ZFY: variants seen among roughly 807,000 people sequenced by gnomAD.
ZFY encodes zinc finger protein Y-linked.
For missense variants in ZFY, 113 were observed against 170.9 expected (o/e 0.66, Z 1.89); for synonymous variants, 47 against 55.8 (o/e 0.84, Z 0.71).
intron 3 of ZFY, among the ~76,000 whole-genome samples, chrY:2,969,451 A>G: frequency 1.2e-4 from 4 of 33,388 alleles, no homozygotes. Context: ...GTGGAAAGGA[A>G]CACTGCTTGT....
At chrY:2,938,256 G>T in intron 1 of ZFY, among the ~76,000 whole-genome samples, 1 of 16,866 alleles carries the variant, frequency 5.9e-5, no homozygotes, top group African/African-American at 2.5e-4. Flanking sequence ...TGATGTACCC[G>T]CCTCGGCCTA....
chrY:2,936,122 C>T (rs931086443), intron 1 of ZFY, among the ~76,000 whole-genome samples: 4 of 34,038 alleles, frequency 1.2e-4, no homozygotes, highest in African/African-American at 4.6e-4. Flanking sequence ...TCGGCCTTCC[C>T]CTCACAGCCC....
At chrY:2,938,983 T>TTATATA (rs765202788) in intron 1 of ZFY, among the ~76,000 whole-genome samples, 7 of 5,222 alleles carry the variant, frequency 1.3e-3, no homozygotes, top group East Asian at 8.1e-3. Flanking sequence ...CATACAGTGC[T>TTATATA]TATATATATA....
At position 2,979,433 on chromosome Y, in the gene ZFY, G is replaced by A; in HGVS notation, c.1846G>A (p.Val616Met). Residue 616 changes from valine (V) to methionine (M), a missense_variant, in exon 8 of 8, where the codon GTG becomes ATG. By Grantham distance (21) the Val-to-Met change is conservative. Coordinates refer to ENST00000155093, the MANE Select transcript of ZFY (RefSeq NM_003411.4). ...TCTGACTTTCTCAGATACCAAAGAA[G>A]TGCAGCAACATACTCTTGTCCACCA... The part of the protein sequence containing the change: ...CLLTFSDTKE[V>M]QQHTLVHQES... 1 of 399,092 alleles carries A rather than the reference G, an allele frequency of 2.5e-6. No individual in the cohort carries two copies. The highest frequency in any genetic ancestry group is 7.4e-5 in the Admixed American group (1 of 13,544).
At chrY:2,939,158 A>T in intron 1 of ZFY, among the ~76,000 whole-genome samples, 1 of 29,790 alleles carries the variant, frequency 3.4e-5, no homozygotes, top group Non-Finnish European at 8.0e-5. Context: ...TCATTACTTA[A>T]TTGAGAAAGA....
Position 2,980,185 on chromosome Y carries a change from T to C in ZFY, c.*192T>C. The stretch of plus-strand genomic sequence containing the variant: ...AATCCTATTCAGTTTCTTTAATAGA[T>C]GAGGAAAAATAGCAACAAGCAAGTT... On this transcript the variant is annotated 3_prime_UTR_variant, in exon 8 of 8. Coordinates refer to ENST00000155093, the MANE Select transcript of ZFY (RefSeq NM_003411.4). The C allele has an allele frequency of 3.4e-5, 5 of 147,641 alleles. No homozygotes were observed. The African/African-American group carries it at 4.4e-4, about 13-fold the overall frequency. The allele number at this position is 147,641 out of a possible 400,897, so 36.8% of individuals were successfully genotyped here.
intron 1 of ZFY, among the ~76,000 whole-genome samples, chrY:2,944,076 G>A (rs2051254188): frequency 3.0e-5 from 1 of 33,607 alleles, no homozygotes; most frequent in Non-Finnish European, 7.4e-5. Flanking sequence ...AAGAACTCCA[G>A]TATATCAATT....
At chrY:2,937,010 G>A (rs562832303) in intron 1 of ZFY, among the ~76,000 whole-genome samples, 18 of 33,170 alleles carry the variant, frequency 5.4e-4, no homozygotes, top group Non-Finnish European at 1.0e-3. Context: ...AATATTTACG[G>A]TTTTGCTGGA....
intron 7 of ZFY, 71 bp from the exon 8 acceptor site, chrY:2,978,739 A>C: frequency 2.8e-6 from 1 of 356,732 alleles, no homozygotes; most frequent in Non-Finnish European, 4.1e-6. Flanking sequence ...TCAGAACACA[A>C]GCTTTAAAAA....
At position 2,937,703 on chromosome Y, in the gene ZFY, G is replaced by A. The variant is rs766572303; in HGVS notation, c.-29+1934G>A. ...AAAAGCAGTTTTCAGAAATGCAGTA[G>A]CCTTCAGGTGGCTTTATGAAACTTT... On this transcript the variant is annotated intron_variant, in intron 1 of 7. Transcript: ENST00000155093. 9.5e-4 allele frequency among the ~76,000 whole-genome samples: 31 copies of A among 32,601 alleles called. No individual in the cohort carries two copies. The East Asian group carries it at 0.025, about 26-fold the overall frequency. The allele number at this position is 32,601 out of a possible 37,273, so 87.5% of individuals were successfully genotyped here.
chrY:2,936,586 AG>A (rs2051217183), intron 1 of ZFY, among the ~76,000 whole-genome samples: 2 of 33,921 alleles, frequency 5.9e-5, no homozygotes, highest in African/African-American at 1.2e-4. Flanking sequence ...GCTTTTTTTT[AG>A]TCCGTGTACT....
intron 2 of ZFY, among the ~76,000 whole-genome samples, chrY:2,958,322 G>A (rs759368801): frequency 9.3e-5 from 3 of 32,380 alleles, no homozygotes; most frequent in African/African-American, 3.6e-4. Context: ...ATTGTCTGGG[G>A]TGCTGAGAGA....
At chrY:2,974,165 C>CTATT (rs1314111955) in intron 3 of ZFY, among the ~76,000 whole-genome samples, 59 of 27,964 alleles carry the variant, frequency 2.1e-3, no homozygotes, top group South Asian at 5.1e-3. Context: ...GAATTTACAA[C>CTATT]TATTTATTTA....
chrY:2,945,369 C>CT (rs758240120), intron 1 of ZFY, among the ~76,000 whole-genome samples: 12 of 27,014 alleles, frequency 4.4e-4, no homozygotes, highest in South Asian at 8.1e-4. Flanking sequence ...GTTTATTATC[C>CT]TTTTTTTTTT....
intron 1 of ZFY, 124 bp from the exon 2 acceptor site, chrY:2,953,785 C>T: frequency 7.6e-6 from 1 of 132,397 alleles, no homozygotes; most frequent in Non-Finnish European, 1.4e-5. Context: ...TCAATTTGTT[C>T]CCTTTAATTT....
In ZFY at chrY:2,957,664, A is replaced by T. The variant is rs539306118; in HGVS notation, c.62-3410A>T. Reference sequence around the variant, plus strand: ...AAGTGCAAAGCCACTTTACGTTTTTAGGTATTTGTATAAGCAGCTCTCCAC... The same window carrying T: ...AAGTGCAAAGCCACTTTACGTTTTTTGGTATTTGTATAAGCAGCTCTCCAC... On this transcript the variant is annotated intron_variant, in intron 2 of 7. Coordinates refer to ENST00000155093, the MANE Select transcript of ZFY (RefSeq NM_003411.4). 4.2e-4 allele frequency among the ~76,000 whole-genome samples: 14 copies of T among 33,340 alleles called. No homozygotes were observed. The East Asian group carries it at 0.011, about 26-fold the overall frequency. 89.4% of individuals were successfully genotyped at this position (33,340 alleles called of 37,273 possible). A position where few individuals can be genotyped will look rare whatever the true frequency, so the allele number is the denominator to read the frequency against.
chrY:2,971,049 C>G, intron 3 of ZFY, among the ~76,000 whole-genome samples: 1 of 33,289 alleles, frequency 3.0e-5, no homozygotes, highest in South Asian at 6.7e-4. Flanking sequence ...CCAACTCCAG[C>G]CTTTATCCCA....
chrY:2,947,493 CT>C (rs2051265689), intron 1 of ZFY, among the ~76,000 whole-genome samples: 1 of 33,909 alleles, frequency 2.9e-5, no homozygotes, highest in Non-Finnish European at 7.4e-5. Context: ...TTGTGTTTTT[CT>C]TTCTACAGTT....
intron 2 of ZFY, 54 bp downstream of exon 2, chrY:2,954,051 T>C: frequency 3.4e-6 from 1 of 292,886 alleles, no homozygotes; most frequent in Non-Finnish European, 5.1e-6. Context: ...TTTGAATTAC[T>C]TACCAAAATT....
Sources: allele counts gnomAD v4.1 joint callset (sites outside exome capture counted in the v4.1 genomes callset), GRCh38; gene constraint gnomAD v4.1.1; transcripts MANE v1.5; gene names NCBI Gene and HGNC (gene_info 2026-07-23, HGNC 2026-07-21).